CDH13: variants seen among roughly 807,000 people sequenced by gnomAD.
CDH13 encodes the protein cadherin 13, also known as cadherin-13.
A neutral mutation model predicts 63.8 loss-of-function variants in CDH13; 24 were observed. The ratio of observed to expected loss-of-function variants is 0.38; its 90% CI spans 0.27 to 0.53. The LOEUF (loss-of-function observed/expected upper bound fraction) is 0.53. CDH13 is among the 20% of genes least tolerant of loss of function. The probability of loss-of-function intolerance (pLI) is 0.85; values close to 1 mark genes in which losing one functional copy is unlikely to be tolerated. For missense variants in CDH13, 1,049 were observed against 903.1 expected (o/e 1.16, Z -2.07); for synonymous variants, 503 against 355.3 (o/e 1.42, Z -4.67).
intron 6 of CDH13, among the ~76,000 whole-genome samples, chr16:83,379,836 T>C (rs547008436): frequency 6.6e-6 from 1 of 151,458 alleles, no homozygotes; most frequent in East Asian, 1.9e-4. Context: ...ATGAACGAAA[T>C]ATTATATAAA....
chr16:82,677,826 G>A (rs1377102468), intron 1 of CDH13, among the ~76,000 whole-genome samples: 1 of 151,520 alleles, frequency 6.6e-6, no homozygotes, highest in Non-Finnish European at 1.5e-5. Flanking sequence ...TGGTTTCAGT[G>A]GGTCCTGGTT....
chr16:83,758,261 C>G (rs1200955039), intron 11 of CDH13, among the ~76,000 whole-genome samples: 6 of 151,980 alleles, frequency 3.9e-5, no homozygotes. Context: ...CAAAACCTGA[C>G]AAGATCTTAC....
intron 3 of CDH13, among the ~76,000 whole-genome samples, chr16:83,057,641 G>C (rs1051451169): frequency 6.6e-6 from 1 of 150,386 alleles, no homozygotes; most frequent in Non-Finnish European, 1.5e-5. Flanking sequence ...TCCTTAGCAT[G>C]ACACACAAAA....
chr16:83,634,162 G>GTGT (rs1380729155), intron 8 of CDH13, among the ~76,000 whole-genome samples: 1 of 117,792 alleles, frequency 8.5e-6, no homozygotes, highest in Non-Finnish European at 1.8e-5. Context: ...TGTGTGTGTG[G>GTGT]TCCTACGCAT....
At chr16:83,765,781 C>CTT (rs35694677) in intron 11 of CDH13, among the ~76,000 whole-genome samples, 264 of 148,122 alleles carry the variant, frequency 1.8e-3, no homozygotes, top group South Asian at 3.9e-3. Flanking sequence ...TTACAGCTTT[C>CTT]TTTTTTTTTT....
chr16:83,438,863 TCA>T (rs1218777853), intron 6 of CDH13, among the ~76,000 whole-genome samples: 1 of 152,222 alleles, frequency 6.6e-6, no homozygotes, highest in African/African-American at 2.4e-5. Context: ...CTGCAGATAT[TCA>T]CAGAGGGCTG....
At chr16:83,305,642 A>G (rs1351600758) in intron 5 of CDH13, among the ~76,000 whole-genome samples, 2 of 152,234 alleles carry the variant, frequency 1.3e-5, no homozygotes, top group African/African-American at 4.8e-5. Context: ...GCGACATGGC[A>G]TGTGACTTGG....
intron 1 of CDH13, chr16:82,823,150 T>G (rs2038083060): frequency 6.6e-6 from 1 of 152,210 alleles, no homozygotes; most frequent in Admixed American, 6.5e-5. Flanking sequence ...TACTACCTTT[T>G]ATGACTTAGT....
intron 1 of CDH13, among the ~76,000 whole-genome samples, chr16:82,648,910 G>C (rs1910412263): frequency 6.6e-6 from 1 of 152,198 alleles, no homozygotes; most frequent in African/African-American, 2.4e-5. Context: ...AAGGTGAGAA[G>C]TCCAGCTTGA....
chr16:83,287,779 A>G (rs1252852259), intron 5 of CDH13, among the ~76,000 whole-genome samples: 1 of 152,218 alleles, frequency 6.6e-6, no homozygotes, highest in Non-Finnish European at 1.5e-5. Flanking sequence ...CTCCTGGTCC[A>G]TGAAAAAATT....
intron 1 of CDH13, among the ~76,000 whole-genome samples, chr16:82,766,067 G>A (rs1460114745): frequency 1.3e-5 from 2 of 152,178 alleles, no homozygotes; most frequent in African/African-American, 4.8e-5. Flanking sequence ...GAATTGAGGT[G>A]CCCTAAGAAC....
At chr16:83,249,610 G>C (rs1295981204) in intron 5 of CDH13, among the ~76,000 whole-genome samples, 1 of 152,202 alleles carries the variant, frequency 6.6e-6, no homozygotes, top group Non-Finnish European at 1.5e-5. Flanking sequence ...GGTAAGATCT[G>C]ACACCGTGTG....
At chr16:83,247,639 G>A (rs1905101656) in intron 5 of CDH13, among the ~76,000 whole-genome samples, 1 of 152,102 alleles carries the variant, frequency 6.6e-6, no homozygotes, top group African/African-American at 2.4e-5. Flanking sequence ...CATGAAGCCT[G>A]AGGGAAAATG....
chr16:82,817,045 G>A (rs1299872385), intron 1 of CDH13, among the ~76,000 whole-genome samples: 2 of 152,068 alleles, frequency 1.3e-5, no homozygotes, highest in African/African-American at 4.8e-5. Context: ...ATGCAGTTGT[G>A]AGGTCTTTAG....
intron 7 of CDH13, among the ~76,000 whole-genome samples, chr16:83,560,905 C>CCG (rs1555573417): frequency 6.6e-6 from 1 of 151,992 alleles, no homozygotes; most frequent in Non-Finnish European, 1.5e-5. Flanking sequence ...GTTGGCCCCC[C>CCG]CCCCGCCCCA....
intron 13 of CDH13, among the ~76,000 whole-genome samples, chr16:83,787,603 G>A (rs1390640191): frequency 6.6e-6 from 1 of 152,162 alleles, no homozygotes; most frequent in Admixed American, 6.5e-5. Flanking sequence ...CAGACCACAA[G>A]CCCAGCACTG....
intron 2 of CDH13, among the ~76,000 whole-genome samples, chr16:82,910,937 C>T (rs2041810144): frequency 6.6e-6 from 1 of 152,088 alleles, no homozygotes; most frequent in Non-Finnish European, 1.5e-5. Context: ...AAGAACATGA[C>T]AGGGGTTTCT....
intron 6 of CDH13, among the ~76,000 whole-genome samples, chr16:83,422,240 TTGA>T (rs2071737316): frequency 6.6e-6 from 1 of 152,230 alleles, no homozygotes; most frequent in Admixed American, 6.5e-5. Context: ...ATAATTCGTT[TTGA>T]AGATGTTGTA....
At chr16:83,386,774 A>G (rs1376914077) in intron 6 of CDH13, among the ~76,000 whole-genome samples, 1 of 152,210 alleles carries the variant, frequency 6.6e-6, no homozygotes, top group African/African-American at 2.4e-5. Context: ...GGCTGCTGGT[A>G]TTGATTCAAC....
Sources: gnomAD v4.1 joint callset for allele counts (sites outside exome capture counted in the v4.1 genomes callset) on GRCh38, gnomAD v4.1.1 for gene constraint, MANE v1.5 for transcripts, NCBI Gene and HGNC (gene_info 2026-07-23, HGNC 2026-07-21) for gene names.